The following PCDHGA2 variants were observed in gnomAD, a reference collection of about 807,000 sequenced individuals.
The protein encoded by PCDHGA2 is protocadherin gamma-A2.
Under a neutral mutation model 59.2 loss-of-function variants are expected in PCDHGA2, and 40 were observed. The observed-to-expected ratio is 0.68, with a 90% CI of 0.52 to 0.88. The LOEUF (loss-of-function observed/expected upper bound fraction) is 0.88, where lower values mean the gene tolerates loss of function less well. Ranked by LOEUF, PCDHGA2 falls within the 40% of genes least tolerant of loss-of-function variation. The pLI, the probability that PCDHGA2 is intolerant of heterozygous loss-of-function variation, is 0.00. For missense variants in PCDHGA2, 1,226 were observed against 1,204.0 expected, an observed-to-expected ratio of 1.02 and a Z score of -0.27; for synonymous variants, 560 against 526.0, an observed-to-expected ratio of 1.06 and a Z score of -0.89.
chr5:141,431,036 G>A lies in PCDHGA2; in HGVS notation c.2425-63771G>A. The A allele has an allele frequency of 6.2e-7, 1 of 1,614,204 alleles. No individual in the cohort carries two copies. Among genetic ancestry groups the A allele is most frequent in the Non-Finnish European group, 8.5e-7 (1 of 1,180,034 alleles). ...GGTCACGGCGGGCAGGATAGACCGG[G>A]AGGAGCTCTGTATGGGGGCCATCAA... On this transcript the variant is annotated intron_variant, in intron 1 of 3. Coordinates refer to ENST00000394576, the MANE Select transcript of PCDHGA2 (RefSeq NM_018915.4). This position sits in a 1 kb window ranked among gnomAD's most constrained non-coding sequence, Gnocchi z 4.8.
chr5:141,395,022 G>A lies in PCDHGA2; in HGVS notation c.2424+53627G>A, dbSNP rs2093150969. ...CGGTGGCAGATTGGTAGGCGTGCCT[G>A]CCTCACATTTTGTGGGTGTTGAGGA... On this transcript the variant is annotated intron_variant, in intron 1 of 3. Transcript: ENST00000394576. 1 of 1,614,128 alleles carries A rather than the reference G, an allele frequency of 6.2e-7. No homozygotes were observed. The highest frequency in any genetic ancestry group is 1.3e-5 in the African/African-American group (1 of 75,036).
In PCDHGA2 at chr5:141,338,804, G is replaced by A. The variant is rs1305865399; in HGVS notation, c.-168G>A. ...CACAGCACAAGGGGGTGGAGGTTTG[G>A]CCCTAAAGCTTCAGGACACCAAAGA... On this transcript the variant is annotated 5_prime_UTR_variant, in exon 1 of 4. Coordinates refer to ENST00000394576, the MANE Select transcript of PCDHGA2 (RefSeq NM_018915.4). The A allele has an allele frequency of 3.7e-5, 51 of 1,369,542 alleles. No individual in the cohort carries two copies. Among genetic ancestry groups the A allele is most frequent in the Non-Finnish European group, 4.7e-5 (50 of 1,066,844 alleles). The allele number at this position is 1,369,542 out of a possible 1,614,324, so 84.8% of individuals were successfully genotyped here. A position where few individuals can be genotyped will look rare whatever the true frequency, so the allele number is the denominator to read the frequency against.
At chr5:141,361,897 G>C (rs1762228885) in intron 1 of PCDHGA2, 1 of 1,609,754 alleles carries the variant, frequency 6.2e-7, no homozygotes, top group Non-Finnish European at 8.5e-7. Flanking sequence ...CGGCTACCTG[G>C]TGACCAAGGT....
At chr5:141,397,632 G>A (rs1338700585) in intron 1 of PCDHGA2, among the ~76,000 whole-genome samples, 2 of 152,222 alleles carry the variant, frequency 1.3e-5, no homozygotes, top group African/African-American at 4.8e-5. Context: ...CTAGCTAAGA[G>A]TTCAAGGTAT....
At chr5:141,382,732 G>A in intron 1 of PCDHGA2, 1 of 562,814 alleles carries the variant, frequency 1.8e-6, no homozygotes, top group African/African-American at 1.9e-5. Context: ...TTACAGCACA[G>A]AGAAACGACA....
chr5:141,487,423 C>T lies in PCDHGA2; in HGVS notation c.2425-7384C>T. 1 of 1,614,158 alleles carries T rather than the reference C, an allele frequency of 6.2e-7. No homozygotes were observed. Among genetic ancestry groups the T allele is most frequent in the Non-Finnish European group, 8.5e-7 (1 of 1,180,012 alleles). On this transcript the variant is annotated intron_variant, in intron 1 of 3. Transcript: ENST00000394576. The surrounding 1 kb of genome is among the most constrained non-coding windows in gnomAD (Gnocchi z 5.0). ...GGCTTCCCCCTTCCAATGGGATCCTCCGAATCCAGCTAGGGTCAGATGACC... is the reference window on the plus strand; with the variant it reads ...GGCTTCCCCCTTCCAATGGGATCCTTCGAATCCAGCTAGGGTCAGATGACC...
Position 141,431,142 on chromosome 5 carries a change from A to G in PCDHGA2, c.2425-63665A>G. ...GAAGTAGAAGTAAGGGACATTAACG[A>G]CAATGCGCCTTACTTTCGTGAAAGT... On this transcript the variant is annotated intron_variant, in intron 1 of 3. Coordinates refer to ENST00000394576, the MANE Select transcript of PCDHGA2 (RefSeq NM_018915.4). This position sits in a 1 kb window ranked among gnomAD's most constrained non-coding sequence, Gnocchi z 4.8. 1 of 1,614,240 alleles carries G rather than the reference A, an allele frequency of 6.2e-7. No individual in the cohort carries two copies. Among genetic ancestry groups the G allele is most frequent in the Non-Finnish European group, 8.5e-7 (1 of 1,180,024 alleles).
intron 1 of PCDHGA2, among the ~76,000 whole-genome samples, chr5:141,467,628 CA>C (rs1301043003): frequency 6.6e-6 from 1 of 152,106 alleles, no homozygotes; most frequent in Non-Finnish European, 1.5e-5. Context: ...TTTGAGATAG[CA>C]TCTTTATCAT....
chr5:141,383,378 CAG>C (rs1561596110), intron 1 of PCDHGA2: 1 of 1,614,002 alleles, frequency 6.2e-7, no homozygotes, highest in Non-Finnish European at 8.5e-7. Flanking sequence ...GCTGGGGATC[CAG>C]ATGTGGGCAC....
At chr5:141,400,638 T>A in intron 1 of PCDHGA2, 1 of 1,325,472 alleles carries the variant, frequency 7.5e-7, no homozygotes, top group Non-Finnish European at 1.1e-6. Flanking sequence ...TCAGAGCTGC[T>A]CAGAAAGCTG....
rs145897132 is a variant in PCDHGA2, at chr5:141,395,374, T to C, written c.2424+53979T>C. The stretch of plus-strand genomic sequence containing the variant: ...CAGAGTTTTGGGTTTATTTTGGTGG[T>C]GTTACTATAAAATTGAACTCTAATA... On this transcript the variant is annotated intron_variant, in intron 1 of 3. Coordinates refer to ENST00000394576, the MANE Select transcript of PCDHGA2 (RefSeq NM_018915.4). 327 of 1,187,896 alleles carry C rather than the reference T, an allele frequency of 2.8e-4. 1 individual carries two copies. The African/African-American group carries it at 4.3e-3, about 16-fold the overall frequency. The allele number at this position is 1,187,896 out of a possible 1,614,324, so 73.6% of individuals were successfully genotyped here.
chr5:141,375,069 A>G (rs746129890), intron 1 of PCDHGA2: 4 of 1,614,040 alleles, frequency 2.5e-6, no homozygotes, highest in South Asian at 2.2e-5. Context: ...GGTCTTCGAG[A>G]CAGAGCGAAA....
intron 1 of PCDHGA2, among the ~76,000 whole-genome samples, chr5:141,483,525 A>G (rs1442825090): frequency 1.3e-5 from 2 of 152,126 alleles, no homozygotes; most frequent in African/African-American, 4.8e-5. Context: ...ATCCTGACTA[A>G]GGAAGCTGGG....
intron 1 of PCDHGA2, among the ~76,000 whole-genome samples, chr5:141,475,732 C>T (rs2099367914): frequency 6.6e-6 from 1 of 152,248 alleles, no homozygotes; most frequent in Non-Finnish European, 1.5e-5. Context: ...GCTGGCTTTC[C>T]CTAAGGTAGG....
At chr5:141,440,558 T>C (rs546919141) in intron 1 of PCDHGA2, 1 of 152,350 alleles carries the variant, frequency 6.6e-6, no homozygotes, top group East Asian at 1.9e-4. Context: ...TGTTATTAAG[T>C]TACGTATCTC....
At chr5:141,421,363 G>T (rs749916401) in intron 1 of PCDHGA2, 2 of 1,613,898 alleles carry the variant, frequency 1.2e-6, no homozygotes, top group South Asian at 2.2e-5. Flanking sequence ...GGGCTCCTTC[G>T]TGGGCAATAT....
At chr5:141,388,880 G>A (rs1426155590) in intron 1 of PCDHGA2, 1 of 1,613,982 alleles carries the variant, frequency 6.2e-7, no homozygotes, top group Non-Finnish European at 8.5e-7. Flanking sequence ...GCACAGTGGA[G>A]GTAGAAGTCA....
chr5:141,362,346 TG>T (rs759838965), intron 1 of PCDHGA2: 3 of 1,614,088 alleles, frequency 1.9e-6, no homozygotes, highest in Non-Finnish European at 2.5e-6. Context: ...AGCCTGGACC[TG>T]GGGTTCTCCC....
chr5:141,462,418 T>A (rs1187388192), intron 1 of PCDHGA2, among the ~76,000 whole-genome samples: 2 of 152,250 alleles, frequency 1.3e-5, no homozygotes, highest in African/African-American at 2.4e-5. Context: ...ATATGGTCTA[T>A]CTTGGTGAGT....
Sources: gnomAD v4.1 joint callset for allele counts (sites outside exome capture counted in the v4.1 genomes callset) on GRCh38, gnomAD v4.1.1 for gene constraint, Gnocchi (gnomAD v3.1) non-coding constraint, MANE v1.5 for transcripts, NCBI Gene and HGNC (gene_info 2026-07-23, HGNC 2026-07-21) for gene names.